The following CPEB3 variants were observed in gnomAD, a reference collection of about 807,000 sequenced individuals.
CPEB3 encodes cytoplasmic polyadenylation element-binding protein 3.
In CPEB3, 20 loss-of-function variants were observed where a neutral mutation model predicts 67.2. The ratio of observed to expected loss-of-function variants is 0.30; its 90% CI spans 0.21 to 0.43. The LOEUF (loss-of-function observed/expected upper bound fraction) is 0.43, where lower values mean the gene tolerates loss of function less well. Ranked by LOEUF, CPEB3 falls within the 20% of genes least tolerant of loss-of-function variation. The pLI, the probability that CPEB3 is intolerant of heterozygous loss-of-function variation, is 1.00. For missense variants in CPEB3, 746 were observed against 968.6 expected (o/e 0.77, Z 3.05); for synonymous variants, 376 against 393.1 (o/e 0.96, Z 0.51).
intron 6 of CPEB3, among the ~76,000 whole-genome samples, chr10:92,121,374 TATATA>T (rs1317129467): frequency 1.7e-4 from 24 of 144,810 alleles, no homozygotes; most frequent in East Asian, 3.9e-4. Flanking sequence ...ATATATTTTA[TATATA>T]ATATATTATA....
intron 6 of CPEB3, among the ~76,000 whole-genome samples, chr10:92,126,902 T>C (rs1369699896): frequency 1.3e-5 from 2 of 152,196 alleles, no homozygotes; most frequent in South Asian, 4.1e-4. Flanking sequence ...ACCTCTAAAA[T>C]GTGGTGGGTT....
At chr10:92,168,581 G>A (rs1704877203) in intron 4 of CPEB3, among the ~76,000 whole-genome samples, 1 of 152,020 alleles carries the variant, frequency 6.6e-6, no homozygotes, top group Non-Finnish European at 1.5e-5. Context: ...TCATGGGATT[G>A]GTTACCCCCA....
intron 1 of CPEB3, among the ~76,000 whole-genome samples, chr10:92,246,015 G>A (rs1017886658): frequency 6.7e-6 from 1 of 150,012 alleles, no homozygotes; most frequent in African/African-American, 2.5e-5. Context: ...TCCAGCCTGG[G>A]AGACAGAGCA....
chr10:92,262,073 G>A (rs1176685005), intron 1 of CPEB3, among the ~76,000 whole-genome samples: 1 of 152,210 alleles, frequency 6.6e-6, no homozygotes, highest in Non-Finnish European at 1.5e-5. Context: ...GTAATCTGAA[G>A]TCATATCTGT....
At chr10:92,257,219 T>G (rs1172388340) in intron 1 of CPEB3, among the ~76,000 whole-genome samples, 1 of 152,276 alleles carries the variant, frequency 6.6e-6, no homozygotes, top group Non-Finnish European at 1.5e-5. Context: ...AACTGACTGT[T>G]TCCTTGAGCC....
At chr10:92,258,823 A>G (rs768660240) in intron 1 of CPEB3, among the ~76,000 whole-genome samples, 22 of 150,742 alleles carry the variant, frequency 1.5e-4, no homozygotes, top group Admixed American at 6.0e-4. Context: ...ACGCTGAGTA[A>G]TTTTTTTGTA....
At chr10:92,287,622 T>C (rs1842591697) in intron 1 of CPEB3, among the ~76,000 whole-genome samples, 1 of 152,302 alleles carries the variant, frequency 6.6e-6, no homozygotes, top group South Asian at 2.1e-4. Flanking sequence ...CAGATACCCT[T>C]ATGAACATTT....
chr10:92,092,034 G>A, intron 7 of CPEB3, 90 bp from the exon 8 acceptor site: 1 of 801,670 alleles, frequency 1.2e-6, no homozygotes. Flanking sequence ...ACTGATTTGT[G>A]CATTTCACAA....
chr10:92,069,841 C>G (rs1249565546), intron 9 of CPEB3, among the ~76,000 whole-genome samples: 6 of 152,158 alleles, frequency 3.9e-5, no homozygotes, highest in Non-Finnish European at 5.9e-5. Flanking sequence ...ACGATTTTTC[C>G]TTCTTATATG....
chr10:92,071,618 C>T (rs547767712), intron 9 of CPEB3, among the ~76,000 whole-genome samples: 1 of 151,870 alleles, frequency 6.6e-6, no homozygotes, highest in African/African-American at 2.4e-5. Flanking sequence ...GCCTGTAATC[C>T]CAGCTACTCG....
intron 9 of CPEB3, among the ~76,000 whole-genome samples, chr10:92,075,170 C>T (rs1842888756): frequency 6.6e-6 from 1 of 152,050 alleles, no homozygotes; most frequent in Non-Finnish European, 1.5e-5. Context: ...CAACTTACTC[C>T]AACAAGAGGG....
chr10:92,087,917 C>CT lies in CPEB3; in HGVS notation c.1687+3912dup, dbSNP rs1349731405. Among the ~76,000 whole-genome samples, 13 of 152,084 alleles carry CT rather than the reference C, an allele frequency of 8.5e-5. 1 individual carries two copies. The highest frequency in any genetic ancestry group is 1.5e-5 in the Non-Finnish European group (1 of 68,036). ...GTACTGACTCTAAAGAATATGCGAG[C>CT]TTTAGCCACATGGTGGCACGGTGAG... On this transcript the variant is annotated intron_variant, in intron 8 of 9. Coordinates refer to ENST00000265997, the MANE Select transcript of CPEB3 (RefSeq NM_014912.5).
chr10:92,262,058 T>G (rs1429076369), intron 1 of CPEB3, among the ~76,000 whole-genome samples: 2 of 152,240 alleles, frequency 1.3e-5, no homozygotes, highest in Non-Finnish European at 2.9e-5. Context: ...GTTTTTGGCA[T>G]AGCTGTAATC....
intron 8 of CPEB3, among the ~76,000 whole-genome samples, chr10:92,090,153 C>T (rs1843553979): frequency 6.6e-6 from 1 of 152,196 alleles, no homozygotes; most frequent in East Asian, 1.9e-4. Flanking sequence ...TAAGAAGTTA[C>T]AGCCAATTCT....
intron 2 of CPEB3, among the ~76,000 whole-genome samples, chr10:92,227,897 T>C (rs1851065503): frequency 6.6e-6 from 1 of 151,010 alleles, no homozygotes; most frequent in Admixed American, 6.6e-5. Context: ...GGCCTATTTT[T>C]TTCTTTTTTG....
chr10:92,104,138 T>G (rs1844321944), intron 7 of CPEB3, among the ~76,000 whole-genome samples: 1 of 152,174 alleles, frequency 6.6e-6, no homozygotes, highest in Non-Finnish European at 1.5e-5. Flanking sequence ...CAAATGATTT[T>G]GGCTAAGGAA....
At chr10:92,231,822 T>TGG (rs970578964) in intron 2 of CPEB3, among the ~76,000 whole-genome samples, 5 of 150,556 alleles carry the variant, frequency 3.3e-5, no homozygotes, top group African/African-American at 1.2e-4. Context: ...CGGGTTCAAG[T>TGG]GATTCTCCTG....
chr10:92,221,492 C>CA (rs371330103), intron 2 of CPEB3, among the ~76,000 whole-genome samples: 284 of 152,102 alleles, frequency 1.9e-3, no homozygotes, highest in African/African-American at 6.3e-3. Context: ...GACTCCATCT[C>CA]AAAAAAATAA....
intron 9 of CPEB3, among the ~76,000 whole-genome samples, chr10:92,066,991 G>C (rs762113007): frequency 2.6e-5 from 4 of 151,814 alleles, no homozygotes; most frequent in Non-Finnish European, 5.9e-5. Context: ...GGAGATTGCA[G>C]TGAGTCGAGA....
Sources: allele counts gnomAD v4.1 joint callset (sites outside exome capture counted in the v4.1 genomes callset), GRCh38; gene constraint gnomAD v4.1.1; transcripts MANE v1.5; gene names NCBI Gene and HGNC (gene_info 2026-07-23, HGNC 2026-07-21).